Variants in DNAJC6 observed in about 807,000 individuals in gnomAD.
The protein encoded by DNAJC6 is DnaJ heat shock protein family (Hsp40) member C6, also known as auxilin.
In DNAJC6, 34 loss-of-function variants were observed where a neutral mutation model predicts 110.0. That is an observed-to-expected ratio of 0.31 (90% CI 0.24 to 0.41). The LOEUF (loss-of-function observed/expected upper bound fraction) is 0.41, where lower values mean the gene tolerates loss of function less well. Ranked by LOEUF, DNAJC6 falls within the 10% of genes least tolerant of loss-of-function variation. The probability of loss-of-function intolerance (pLI) is 1.00; values close to 1 mark genes in which losing one functional copy is unlikely to be tolerated. For synonymous variants in DNAJC6, 406 were observed against 437.2 expected (o/e 0.93, Z 0.89); for missense variants, 1,031 against 1,207.8 (o/e 0.85, Z 2.17).
intron 1 of DNAJC6, among the ~76,000 whole-genome samples, chr1:65,274,868 T>G (rs1653612326): frequency 6.6e-6 from 1 of 152,222 alleles, no homozygotes; most frequent in Non-Finnish European, 1.5e-5. Flanking sequence ...CAACATATTC[T>G]TTACACATTT....
intron 1 of DNAJC6, among the ~76,000 whole-genome samples, chr1:65,325,551 T>C (rs997168451): frequency 6.6e-6 from 1 of 152,220 alleles, no homozygotes; most frequent in South Asian, 2.1e-4. Flanking sequence ...ATTCTTGTTT[T>C]TGTTATTTGT....
chr1:65,334,386 G>A (rs1645316191), intron 1 of DNAJC6, among the ~76,000 whole-genome samples: 1 of 152,226 alleles, frequency 6.6e-6, no homozygotes, highest in African/African-American at 2.4e-5. Context: ...GGCTACTGAG[G>A]AAAATACATG....
Position 65,406,062 on chromosome 1 carries a change from C to T in DNAJC6, c.2420C>T (p.Pro807Leu). The change falls in exon 16 of 19, where the codon CCC (proline) becomes CTC (leucine). Residue 807 changes from proline (P) to leucine (L), a missense_variant. By Grantham distance (98) the Pro-to-Leu change is moderately conservative. Coordinates refer to ENST00000371069, the MANE Select transcript of DNAJC6 (RefSeq NM_001256864.2). ...SMPHSSPQNR[P>L]NYNVSFSAMP... ...CCCCACTCCTCTCCCCAGAACCGAC[C>T]CAACTACAACGTGAGCTTCTCAGCC... The T allele has an allele frequency of 6.2e-7, 1 of 1,614,148 alleles. No homozygotes were observed. The highest frequency in any genetic ancestry group is 8.5e-7 in the Non-Finnish European group (1 of 1,180,026).
intron 1 of DNAJC6, among the ~76,000 whole-genome samples, chr1:65,333,636 G>A (rs769817489): frequency 1.3e-5 from 2 of 152,058 alleles, no homozygotes; most frequent in African/African-American, 4.8e-5. Flanking sequence ...ACCTTAAAAA[G>A]CATCAGTGCC....
At chr1:65,272,100 G>A (rs543298651) in intron 1 of DNAJC6, among the ~76,000 whole-genome samples, 1 of 152,064 alleles carries the variant, frequency 6.6e-6, no homozygotes, top group Non-Finnish European at 1.5e-5. Context: ...ATGTTGAATA[G>A]AAGCAGTGAT....
chr1:65,388,319 C>G lies in DNAJC6; in HGVS notation c.1114-17C>G, dbSNP rs1364211905. 5.0e-6 allele frequency: 8 copies of G among 1,608,164 alleles called. No individual in the cohort carries two copies. The highest frequency in any genetic ancestry group is 1.3e-5 in the African/African-American group (1 of 74,902). ...TTCGCTGATTGATTGTAATGTGCTT[C>G]TCTCATGTATTTTTAGGTGACCAAC... On this transcript the variant is annotated splice_polypyrimidine_tract_variant and intron_variant, in intron 8 of 18. Transcript: ENST00000371069.
chr1:65,400,772 A>G (rs777330461), intron 14 of DNAJC6, among the ~76,000 whole-genome samples: 21 of 152,220 alleles, frequency 1.4e-4, no homozygotes, highest in Non-Finnish European at 2.9e-4. Context: ...GGCTGTTGTG[A>G]ATAGTGCTGC....
upstream of DNAJC6, among the ~76,000 whole-genome samples, chr1:65,307,576 G>C (rs146889001): frequency 2.9e-3 from 441 of 152,172 alleles, 6 homozygotes; most frequent in African/African-American, 0.01. Context: ...ACTGAGGCTG[G>C]TTCTAAATTC....
intron 1 of DNAJC6, among the ~76,000 whole-genome samples, chr1:65,275,353 G>C (rs1653635173): frequency 6.6e-6 from 1 of 152,180 alleles, no homozygotes; most frequent in Non-Finnish European, 1.5e-5. Context: ...TAGGTGTATA[G>C]AATTATGGGG....
intron 7 of DNAJC6, among the ~76,000 whole-genome samples, chr1:65,386,545 G>A (rs1645874397): frequency 6.6e-6 from 1 of 152,190 alleles, no homozygotes; most frequent in African/African-American, 2.4e-5. Context: ...TGCATTTGAG[G>A]AAAATGAGAT....
intron 1 of DNAJC6, among the ~76,000 whole-genome samples, chr1:65,364,222 T>C (rs1185178423): frequency 6.6e-6 from 1 of 152,204 alleles, no homozygotes; most frequent in African/African-American, 2.4e-5. Flanking sequence ...TCAATATATT[T>C]AAATTATTAT....
upstream of DNAJC6, among the ~76,000 whole-genome samples, chr1:65,305,295 G>T (rs181395542): frequency 1.3e-4 from 20 of 152,288 alleles, no homozygotes; most frequent in East Asian, 3.9e-3. Flanking sequence ...ACCAGAGATT[G>T]TCCCATAACA....
rs934850998 is a variant in DNAJC6, at chr1:65,360,780, C to A, written c.194-3855C>A. ...CCTGTTCCTGGCCTTTTATTCAGGG[C>A]TGTGAAGCAGTAGGGGCGACAGAGG... On this transcript the variant is annotated intron_variant, in intron 1 of 18. Coordinates refer to ENST00000371069, the MANE Select transcript of DNAJC6 (RefSeq NM_001256864.2). Among the ~76,000 whole-genome samples the A allele has an allele frequency of 2.0e-5, 3 of 152,124 alleles. No homozygotes were observed. The East Asian group carries it at 5.8e-4, about 29-fold the overall frequency.
At chr1:65,386,735 A>C in intron 7 of DNAJC6, 77 bp from the exon 8 acceptor site, 66 of 1,249,012 alleles carry the variant, frequency 5.3e-5, no homozygotes, top group Non-Finnish European at 6.5e-5. Flanking sequence ...CCAGAGCCAT[A>C]GAGAACTATA....
rs578147410 is a variant in DNAJC6, at chr1:65,335,492, G to A, written c.193+25554G>A. ...AAAAACCCTCAAGATAAAAAGAGCC[G>A]TGAAGAAAAAAGAGTAGACTAAGGA... On this transcript the variant is annotated intron_variant, in intron 1 of 18. Coordinates refer to ENST00000371069, the MANE Select transcript of DNAJC6 (RefSeq NM_001256864.2). Among the ~76,000 whole-genome samples, 46 of 152,134 alleles carry A rather than the reference G, an allele frequency of 3.0e-4. No homozygotes were observed. In the East Asian group the frequency reaches 4.2e-3, roughly 14 times the overall value.
At position 65,289,198 on chromosome 1, in the gene DNAJC6, A is replaced by T. The variant is rs532544145; in HGVS notation, c.-131+24266A>T. Among the ~76,000 whole-genome samples the T allele has an allele frequency of 2.3e-4, 34 of 148,942 alleles. No homozygotes were observed. In the East Asian group the frequency reaches 5.3e-3, roughly 23 times the overall value. The stretch of plus-strand genomic sequence containing the variant: ...ACATTTGATACTGTCAGTCATTTAA[A>T]TTTTTTTTTTTCCCCAAGATGGAGT... On this transcript the variant is annotated intron_variant, in intron 1 of 19. Transcript: ENST00000263441.
At chr1:65,305,729 A>T (rs1001526325), upstream of DNAJC6, among the ~76,000 whole-genome samples, 2 of 150,126 alleles carry the variant, frequency 1.3e-5, no homozygotes, top group Non-Finnish European at 3.0e-5. Context: ...GGGCAAAACA[A>T]TCAGTTCACA....
chr1:65,341,359 T>C (rs536310193), intron 1 of DNAJC6, among the ~76,000 whole-genome samples: 5 of 152,316 alleles, frequency 3.3e-5, no homozygotes, highest in African/African-American at 1.2e-4. Flanking sequence ...GCCACCTGCT[T>C]GCCTGTCACC....
In DNAJC6 at chr1:65,370,331, G is replaced by A. The variant is rs573563822; in HGVS notation, c.543+4135G>A. ...TGGCATTAATTATATTCCCAATGTT[G>A]CATAACCAACACCGCTATCTATACT... On this transcript the variant is annotated intron_variant, in intron 4 of 18. Transcript: ENST00000371069. Among the ~76,000 whole-genome samples the A allele has an allele frequency of 3.9e-5, 6 of 152,262 alleles. No individual in the cohort carries two copies. In the South Asian group the frequency reaches 1.2e-3, roughly 32 times the overall value.
Sources: gnomAD v4.1 joint callset for allele counts (sites outside exome capture counted in the v4.1 genomes callset) on GRCh38, gnomAD v4.1.1 for gene constraint, MANE v1.5 for transcripts, NCBI Gene and HGNC (gene_info 2026-07-23, HGNC 2026-07-21) for gene names.